Variants in PTPRT observed in about 807,000 individuals in gnomAD.
The protein encoded by PTPRT is protein tyrosine phosphatase receptor type T.
In PTPRT, 56 loss-of-function variants were observed where a neutral mutation model predicts 176.8. That is an observed-to-expected ratio of 0.32 (90% confidence interval 0.26 to 0.40). The LOEUF is 0.40. Ranked by LOEUF, PTPRT falls within the 10% of genes least tolerant of loss-of-function variation. The pLI, the probability that PTPRT is intolerant of heterozygous loss-of-function variation, is 1.00. For synonymous variants in PTPRT, 783 were observed against 739.0 expected (o/e 1.06, Z -0.96); for missense variants, 1,540 against 1,908.2 (o/e 0.81, Z 3.60).
At chr20:42,983,735 T>G (rs1204321271) in intron 1 of PTPRT, among the ~76,000 whole-genome samples, 3 of 152,224 alleles carry the variant, frequency 2.0e-5, no homozygotes, top group Non-Finnish European at 4.4e-5. Flanking sequence ...TGCCCAGAGC[T>G]TCCCCTTCCA....
chr20:42,550,693 T>A (rs1302193916), intron 7 of PTPRT, among the ~76,000 whole-genome samples: 3 of 152,090 alleles, frequency 2.0e-5, no homozygotes, highest in Admixed American at 2.0e-4. Flanking sequence ...TAGGTAGATC[T>A]AAGTTTTAGA....
At chr20:42,992,274 C>T (rs538974004) in intron 1 of PTPRT, among the ~76,000 whole-genome samples, 22 of 152,252 alleles carry the variant, frequency 1.4e-4, no homozygotes, top group African/African-American at 3.9e-4. Context: ...AAATTGAACC[C>T]GGACATTGAA....
At chr20:42,182,024 G>T (rs1990546946) in intron 16 of PTPRT, among the ~76,000 whole-genome samples, 1 of 152,172 alleles carries the variant, frequency 6.6e-6, no homozygotes. Context: ...GTGGAAGACT[G>T]TTCTGGAAAG....
chr20:42,500,949 T>G (rs1303094865), intron 7 of PTPRT, among the ~76,000 whole-genome samples: 1 of 151,584 alleles, frequency 6.6e-6, no homozygotes, highest in Non-Finnish European at 1.5e-5. Flanking sequence ...CTATTTACTA[T>G]TTTTACTTCT....
At chr20:42,611,471 G>A (rs1353784666) in intron 7 of PTPRT, among the ~76,000 whole-genome samples, 1 of 152,176 alleles carries the variant, frequency 6.6e-6, no homozygotes, top group East Asian at 1.9e-4. Context: ...GGCTCCAAGA[G>A]GTTGAGCCTG....
intron 6 of PTPRT, among the ~76,000 whole-genome samples, chr20:42,755,441 C>A (rs1441783107): frequency 6.6e-6 from 1 of 152,128 alleles, no homozygotes; most frequent in East Asian, 1.9e-4. Context: ...CATTCTACAG[C>A]TAGCATAATA....
intron 9 of PTPRT, among the ~76,000 whole-genome samples, chr20:42,432,627 A>T (rs1345266846): frequency 6.6e-6 from 1 of 152,224 alleles, no homozygotes; most frequent in Non-Finnish European, 1.5e-5. Context: ...GCCTAAAGTC[A>T]TGCAAAGCAA....
intron 3 of PTPRT, among the ~76,000 whole-genome samples, chr20:42,790,134 C>T (rs1004753893): frequency 7.2e-5 from 11 of 151,840 alleles, no homozygotes; most frequent in African/African-American, 2.4e-4. Context: ...ATGATGGTTG[C>T]ACAATTCAAT....
At chr20:42,856,691 G>A (rs2078569201) in intron 2 of PTPRT, among the ~76,000 whole-genome samples, 1 of 151,698 alleles carries the variant, frequency 6.6e-6, no homozygotes, top group Non-Finnish European at 1.5e-5. Flanking sequence ...TGACGGCACA[G>A]TATGTAAAAA....
At chr20:42,181,570 C>T (rs137937229) in intron 16 of PTPRT, among the ~76,000 whole-genome samples, 172 of 152,288 alleles carry the variant, frequency 1.1e-3, no homozygotes, top group African/African-American at 4.0e-3. Flanking sequence ...CCCTAGTCAT[C>T]GCTATGTCTG....
chr20:42,967,505 G>A (rs1171593425), intron 1 of PTPRT, among the ~76,000 whole-genome samples: 1 of 152,130 alleles, frequency 6.6e-6, no homozygotes. Flanking sequence ...AAGAGACAAG[G>A]AACTGATTGT....
chr20:43,024,548 C>T (rs1052703721), intron 1 of PTPRT, among the ~76,000 whole-genome samples: 1 of 150,766 alleles, frequency 6.6e-6, no homozygotes, highest in African/African-American at 2.5e-5. Context: ...CAAGATCACA[C>T]CACTTTACTC....
At position 42,079,384 on chromosome 20, in the gene PTPRT, C is replaced by G. The variant is rs1411088232; in HGVS notation, c.*1495G>C. 1 of 213,030 alleles carries G rather than the reference C, an allele frequency of 4.7e-6. No homozygotes were observed. Among genetic ancestry groups the G allele is most frequent in the Non-Finnish European group, 9.5e-6 (1 of 105,226 alleles). The allele number at this position is 213,030 out of a possible 1,614,324, so 13.2% of individuals were successfully genotyped here. A position where few individuals can be genotyped will look rare whatever the true frequency, so the allele number is the denominator to read the frequency against. On this transcript the variant is annotated 3_prime_UTR_variant, in exon 31 of 31. Coordinates refer to ENST00000373187, the MANE Select transcript of PTPRT (RefSeq NM_007050.6). ...TGAAGAAAACAGCACGGAGAAGTCT[C>G]ATTGCCATTACCTGCCCCTTTGGAA...
intron 2 of PTPRT, among the ~76,000 whole-genome samples, chr20:42,798,887 A>G (rs2077489996): frequency 1.3e-5 from 2 of 151,928 alleles, no homozygotes; most frequent in South Asian, 4.1e-4. Flanking sequence ...TTGAAGGCGC[A>G]CTGGTGGAGA....
At chr20:42,939,015 C>T (rs1980381817) in intron 1 of PTPRT, among the ~76,000 whole-genome samples, 1 of 152,174 alleles carries the variant, frequency 6.6e-6, no homozygotes. Context: ...CCATTTAGTA[C>T]TTGATCTCCA....
chr20:42,304,200 C>T (rs1025157555), intron 12 of PTPRT, among the ~76,000 whole-genome samples: 2 of 152,124 alleles, frequency 1.3e-5, no homozygotes, highest in Non-Finnish European at 2.9e-5. Context: ...TGTCAGCTGC[C>T]GTCTCTGGAA....
chr20:42,964,816 C>T (rs868463816), intron 1 of PTPRT, among the ~76,000 whole-genome samples: 8 of 152,102 alleles, frequency 5.3e-5, no homozygotes, highest in Middle Eastern at 3.4e-3. Context: ...AAAGTTTGAA[C>T]AAAACAAGGA....
At chr20:42,812,067 T>C (rs2077705042) in intron 2 of PTPRT, among the ~76,000 whole-genome samples, 1 of 24,284 alleles carries the variant, frequency 4.1e-5, no homozygotes, top group Non-Finnish European at 1.5e-4. Flanking sequence ...TGAGGACAAC[T>C]TGACTTTTTT....
At chr20:42,815,854 T>G (rs140427613) in intron 2 of PTPRT, among the ~76,000 whole-genome samples, 3 of 152,204 alleles carry the variant, frequency 2.0e-5, no homozygotes, top group Admixed American at 6.5e-5. Context: ...CCAGCAAAAC[T>G]ATCAAATAAA....
Sources: allele counts gnomAD v4.1 joint callset (sites outside exome capture counted in the v4.1 genomes callset), GRCh38; gene constraint gnomAD v4.1.1; transcripts MANE v1.5; gene names NCBI Gene and HGNC (gene_info 2026-07-23, HGNC 2026-07-21).